Variants in GPR161 observed in about 807,000 individuals in gnomAD.
The protein encoded by GPR161 is G protein-coupled receptor 161.
Under a neutral mutation model 39.2 loss-of-function variants are expected in GPR161, and 25 were observed. The observed-to-expected ratio is 0.64, with a 90% CI of 0.47 to 0.89. GPR161 has a LOEUF of 0.89. Ranked by LOEUF, GPR161 falls within the 40% of genes least tolerant of loss-of-function variation. The pLI is 0.00. For missense variants in GPR161, 547 were observed against 677.8 expected (o/e 0.81, Z 2.14); for synonymous variants, 286 against 276.6 (o/e 1.03, Z -0.34).
chr1:168,095,302 T>G (rs1306705854), intron 3 of GPR161, among the ~76,000 whole-genome samples: 1 of 152,212 alleles, frequency 6.6e-6, no homozygotes, highest in Non-Finnish European at 1.5e-5. Context: ...AGGACATTAA[T>G]GAAAAACGGG....
chr1:168,116,300 G>A (rs1697626741), intron 1 of GPR161, among the ~76,000 whole-genome samples: 1 of 152,146 alleles, frequency 6.6e-6, no homozygotes. Context: ...CAAACAGGTA[G>A]GTACATAAGC....
At chr1:168,130,577 T>A (rs1039304659) in intron 1 of GPR161, among the ~76,000 whole-genome samples, 22 of 152,182 alleles carry the variant, frequency 1.4e-4, no homozygotes, top group Non-Finnish European at 1.8e-4. Flanking sequence ...TTTGCTTAAG[T>A]GGATTTGAAT....
intron 1 of GPR161, chr1:168,134,835 C>T (rs1699247748): frequency 1.4e-6 from 2 of 1,390,514 alleles, no homozygotes; most frequent in African/African-American, 2.8e-5. Flanking sequence ...CCCTCCTGTC[C>T]ACCCGCCTCC....
rs1697046885 is a variant in GPR161, at chr1:168,110,539, AAAG to A, written c.-44-5648_-44-5646del. On this transcript the variant is annotated intron_variant, in intron 1 of 5. Transcript: ENST00000682931. The stretch of plus-strand genomic sequence containing the variant: ...AAAAAAAAACGAAAGAAAGGAAAGG[AAAG>A]AAAAGAAAAGAAAAGAAAAGAAAAG... Among the ~76,000 whole-genome samples the A allele has an allele frequency of 3.6e-4, 3 of 8,390 alleles. 1 individual carries two copies. Among genetic ancestry groups the A allele is most frequent in the Non-Finnish European group, 4.9e-4 (2 of 4,042 alleles). The allele number at this position is 8,390 out of a possible 152,430, so 5.5% of individuals were successfully genotyped here.
rs1294852609 is a variant in GPR161, at chr1:168,084,778, A to T, written c.*753T>A. 19 of 443,838 alleles carry T rather than the reference A, an allele frequency of 4.3e-5. No homozygotes were observed. Among genetic ancestry groups the T allele is most frequent in the Admixed American group, 3.1e-4 (12 of 39,088 alleles). 27.5% of individuals were successfully genotyped at this position (443,838 alleles called of 1,614,324 possible). On this transcript the variant is annotated 3_prime_UTR_variant, in exon 6 of 6. Coordinates refer to ENST00000682931, the MANE Select transcript of GPR161 (RefSeq NM_001375883.1). Reference sequence around the variant, plus strand: ...TACGTCTTAAATGGATTTTTTTTTTAATTCTGGAAATGAAACACCTAGTAC... The same window carrying T: ...TACGTCTTAAATGGATTTTTTTTTTTATTCTGGAAATGAAACACCTAGTAC...
intron 1 of GPR161, among the ~76,000 whole-genome samples, chr1:168,134,257 T>C (rs1207278012): frequency 6.6e-6 from 1 of 152,202 alleles, no homozygotes; most frequent in Admixed American, 6.5e-5. Context: ...CAACTGCAAA[T>C]TCCTTCCTTT....
chr1:168,135,759 G>A (rs890966556), intron 1 of GPR161, among the ~76,000 whole-genome samples: 11 of 152,174 alleles, frequency 7.2e-5, no homozygotes, highest in Admixed American at 6.5e-5. Flanking sequence ...CAGGCTCACC[G>A]GAGGTTATCG....
chr1:168,085,020 G>C lies in GPR161; in HGVS notation c.*511C>G, dbSNP rs1572226829. ...TAGAACTGAGGGTCCCACACTGCCC[G>C]CATCAACCATGTAGAGGCACCAGGA... On this transcript the variant is annotated 3_prime_UTR_variant, in exon 6 of 6. Transcript: ENST00000682931. 2 of 456,218 alleles carry C rather than the reference G, an allele frequency of 4.4e-6. No individual in the cohort carries two copies. Among genetic ancestry groups the C allele is most frequent in the Admixed American group, 2.4e-5 (1 of 42,546 alleles). 28.3% of individuals were successfully genotyped at this position (456,218 alleles called of 1,614,324 possible).
chr1:168,109,528 T>C (rs1048173327), intron 1 of GPR161, among the ~76,000 whole-genome samples: 1 of 152,182 alleles, frequency 6.6e-6, no homozygotes, highest in African/African-American at 2.4e-5. Flanking sequence ...GATTTCTCCT[T>C]CATGGAAAAG....
chr1:168,134,066 C>T (rs1399518604), intron 1 of GPR161: 2 of 155,678 alleles, frequency 1.3e-5, no homozygotes, highest in Non-Finnish European at 2.8e-5. Flanking sequence ...TTACTATATT[C>T]CATGAATGCT....
chr1:168,117,968 T>C (rs781331164), intron 1 of GPR161, among the ~76,000 whole-genome samples: 166 of 147,704 alleles, frequency 1.1e-3, no homozygotes, highest in Non-Finnish European at 1.7e-3. Context: ...GGGCTAATAA[T>C]TTTATTTAAA....
intron 3 of GPR161, among the ~76,000 whole-genome samples, chr1:168,094,765 G>T (rs566440644): frequency 6.6e-6 from 1 of 152,278 alleles, no homozygotes; most frequent in African/African-American, 2.4e-5. Flanking sequence ...CAGTGGCTTG[G>T]CCAGGTGATG....
intron 1 of GPR161, among the ~76,000 whole-genome samples, chr1:168,112,373 G>C (rs1435201954): frequency 6.7e-6 from 1 of 150,002 alleles, no homozygotes; most frequent in Admixed American, 6.6e-5. Context: ...CCAGCTACTC[G>C]GGAGGCTGAG....
chr1:168,129,499 G>C (rs989163742), intron 1 of GPR161, among the ~76,000 whole-genome samples: 3 of 152,146 alleles, frequency 2.0e-5, no homozygotes, highest in African/African-American at 4.8e-5. Context: ...GGGTGAAGGG[G>C]GGACTGCAAG....
intron 2 of GPR161, among the ~76,000 whole-genome samples, chr1:168,103,882 G>A (rs1696341102): frequency 6.6e-6 from 1 of 152,240 alleles, no homozygotes; most frequent in African/African-American, 2.4e-5. Context: ...GGACCCTGAA[G>A]AACCCGCGAG....
chr1:168,137,202 G>A (rs938495249), upstream of GPR161: 31 of 1,432,978 alleles, frequency 2.2e-5, no homozygotes, highest in East Asian at 7.4e-4. Context: ...GAAAACCTTT[G>A]TGGTGCCTAA....
At chr1:168,136,352 G>T in intron 1 of GPR161, 2 of 1,473,084 alleles carry the variant, frequency 1.4e-6, no homozygotes, top group Non-Finnish European at 1.8e-6. Flanking sequence ...CAGGGGGCGC[G>T]GCCCGCATCG....
At chr1:168,122,924 A>G (rs1054074897) in intron 1 of GPR161, among the ~76,000 whole-genome samples, 2 of 152,148 alleles carry the variant, frequency 1.3e-5, no homozygotes, top group Non-Finnish European at 1.5e-5. Flanking sequence ...TGGTCTGCAA[A>G]TTTTCCGATC....
In GPR161 at chr1:168,104,735, ATGG is replaced by A; in HGVS notation, c.113_115del (p.Thr38del). On this transcript the variant is annotated inframe_deletion, in exon 2 of 6. Transcript: ENST00000682931. Reference sequence around the variant, plus strand: ...GACCAGGTTTCCCAGGCAGACAAAAATGGTGATGACAATGATGGCGATGAACTG... The same window carrying A: ...GACCAGGTTTCCCAGGCAGACAAAAATGATGACAATGATGGCGATGAACTG... 6.2e-7 allele frequency: 1 copy of A among 1,614,022 alleles called. No individual in the cohort carries two copies. The highest frequency in any genetic ancestry group is 8.5e-7 in the Non-Finnish European group (1 of 1,180,002).
Sources: allele counts gnomAD v4.1 joint callset (sites outside exome capture counted in the v4.1 genomes callset), GRCh38; gene constraint gnomAD v4.1.1; transcripts MANE v1.5; gene names NCBI Gene and HGNC (gene_info 2026-07-23, HGNC 2026-07-21).